RRP1B: variants seen among roughly 807,000 people sequenced by gnomAD.
RRP1B encodes the protein ribosomal RNA processing protein 1 homolog B.
In RRP1B, 56 loss-of-function variants were observed where a neutral mutation model predicts 80.2. The observed-to-expected ratio is 0.70, with a 90% CI of 0.56 to 0.87. The LOEUF (loss-of-function observed/expected upper bound fraction) is 0.87. Ranked by LOEUF, RRP1B falls within the 40% of genes least tolerant of loss-of-function variation. RRP1B has a pLI of 0.00. For missense variants in RRP1B, 807 were observed against 939.8 expected (o/e 0.86, Z 1.85); for synonymous variants, 351 against 357.6 (o/e 0.98, Z 0.21).
intron 5 of RRP1B, 72 bp from the exon 6 acceptor site, chr21:43,674,962 T>C: frequency 6.3e-7 from 1 of 1,583,060 alleles, no homozygotes; most frequent in Non-Finnish European, 8.6e-7. Flanking sequence ...GACGGAGTAT[T>C]TTTGTTTCTC....
At chr21:43,673,280 C>T (rs1039118971) in intron 3 of RRP1B, among the ~76,000 whole-genome samples, 6 of 152,106 alleles carry the variant, frequency 3.9e-5, no homozygotes, top group South Asian at 2.1e-4. Flanking sequence ...CTCCAGAGAG[C>T]GCTCAAATCT....
chr21:43,676,451 G>T, intron 7 of RRP1B, 115 bp downstream of exon 7: 1 of 827,420 alleles, frequency 1.2e-6, no homozygotes, highest in Non-Finnish European at 2.0e-6. Flanking sequence ...GCAGAGAGCG[G>T]CTGGAGAAGA....
intron 8 of RRP1B, 127 bp from the exon 9 acceptor site, chr21:43,683,152 C>T (rs112143319): frequency 8.6e-5 from 56 of 650,378 alleles, no homozygotes; most frequent in African/African-American, 7.9e-4. Context: ...GAATTACAGG[C>T]GTGAGCCACC....
At chr21:43,689,235 G>A (rs368024286) in intron 13 of RRP1B, among the ~76,000 whole-genome samples, 32 of 152,354 alleles carry the variant, frequency 2.1e-4, no homozygotes, top group African/African-American at 6.5e-4. Flanking sequence ...AGAGACCTGC[G>A]GTCTGTAAAG....
Position 43,690,271 on chromosome 21 carries a change from A to G in RRP1B, c.1867-17A>G. 6.2e-7 allele frequency: 1 copy of G among 1,613,420 alleles called. No homozygotes were observed. The highest frequency in any genetic ancestry group is 8.5e-7 in the Non-Finnish European group (1 of 1,179,684). The stretch of plus-strand genomic sequence containing the variant: ...TCGTCTGACCCCTCCTCCGCTTCTC[A>G]CCCCTCGCTCACGTAGGGAAGCAGT... On this transcript the variant is annotated splice_polypyrimidine_tract_variant and intron_variant, in intron 13 of 15. Coordinates refer to ENST00000340648, the MANE Select transcript of RRP1B (RefSeq NM_015056.3).
intron 8 of RRP1B, 152 bp from the exon 9 acceptor site, chr21:43,683,127 C>T (rs972972218): frequency 1.8e-6 from 1 of 555,896 alleles, no homozygotes; most frequent in Non-Finnish European, 3.2e-6. Flanking sequence ...CCCACCTCAG[C>T]CTCCCAAAGT....
Position 43,694,995 on chromosome 21 carries a change from A to G in RRP1B, c.*1612A>G, listed in dbSNP as rs1392430127. On this transcript the variant is annotated 3_prime_UTR_variant, in exon 16 of 16. Coordinates refer to ENST00000340648, the MANE Select transcript of RRP1B (RefSeq NM_015056.3). Reference sequence around the variant, plus strand: ...TCGCCTACTCTGTAATCGTTTTGTCATAATGAGCCATGAAAAAAGTAATGA... The same window carrying G: ...TCGCCTACTCTGTAATCGTTTTGTCGTAATGAGCCATGAAAAAAGTAATGA... The G allele has an allele frequency of 6.6e-6, 1 of 152,214 alleles. No homozygotes were observed. The highest frequency in any genetic ancestry group is 2.4e-5 in the African/African-American group (1 of 41,450). 9.4% of individuals were successfully genotyped at this position (152,214 alleles called of 1,614,324 possible). A position where few individuals can be genotyped will look rare whatever the true frequency, so the allele number is the denominator to read the frequency against.
chr21:43,695,373 G>C lies in RRP1B; in HGVS notation c.*1990G>C, dbSNP rs1439883862. ...TTTTCCTAGCATTTCTATATTATCT[G>C]TCCATTCTGAGGAACCAGTGAATGT... On this transcript the variant is annotated 3_prime_UTR_variant, in exon 16 of 16. Transcript: ENST00000340648. The C allele has an allele frequency of 2.6e-5, 4 of 152,058 alleles. No individual in the cohort carries two copies. The highest frequency in any genetic ancestry group is 5.9e-5 in the Non-Finnish European group (4 of 68,034). 9.4% of individuals were successfully genotyped at this position (152,058 alleles called of 1,614,324 possible).
At chr21:43,662,382 T>C (rs2147158419) in intron 1 of RRP1B, among the ~76,000 whole-genome samples, 1 of 152,312 alleles carries the variant, frequency 6.6e-6, no homozygotes, top group African/African-American at 2.4e-5. Flanking sequence ...AGCATGAACG[T>C]CGTGGACAGT....
chr21:43,659,659 G>GA lies in RRP1B; in HGVS notation c.-6_-5insA. ...TTGCGCGGCCGGGGATGCTCCAGCG[G>GA]GCGCGATGGCCCCCGCCATGCAGCC... On this transcript the variant is annotated 5_prime_UTR_variant, in exon 1 of 16. Coordinates refer to ENST00000340648, the MANE Select transcript of RRP1B (RefSeq NM_015056.3). The surrounding 1 kb of genome is among the most constrained non-coding windows in gnomAD (Gnocchi z 4.2). 1 of 1,502,174 alleles carries GA rather than the reference G, an allele frequency of 6.7e-7. No individual in the cohort carries two copies. The highest frequency in any genetic ancestry group is 8.9e-7 in the Non-Finnish European group (1 of 1,124,712). The allele number at this position is 1,502,174 out of a possible 1,614,324, so 93.1% of individuals were successfully genotyped here. A position where few individuals can be genotyped will look rare whatever the true frequency, so the allele number is the denominator to read the frequency against.
rs2083101520 is a variant in RRP1B, at chr21:43,694,885, C to G, written c.*1502C>G. On this transcript the variant is annotated 3_prime_UTR_variant, in exon 16 of 16. Transcript: ENST00000340648. ...TCATGGAGCCAAGGGTGGGGTTTCA[C>G]CTGCGAACATCAGACTGACTTGCTG... The G allele has an allele frequency of 6.6e-6, 1 of 152,246 alleles. No homozygotes were observed. Among genetic ancestry groups the G allele is most frequent in the Admixed American group, 6.5e-5 (1 of 15,280 alleles). 9.4% of individuals were successfully genotyped at this position (152,246 alleles called of 1,614,324 possible).
At chr21:43,682,340 G>T (rs2083046721) in intron 8 of RRP1B, among the ~76,000 whole-genome samples, 1 of 152,138 alleles carries the variant, frequency 6.6e-6, no homozygotes, top group Non-Finnish European at 1.5e-5. Context: ...CCCAGGCCTT[G>T]CCCTGATGTC....
intron 1 of RRP1B, among the ~76,000 whole-genome samples, chr21:43,660,827 A>AC (rs1482745736): frequency 6.6e-6 from 1 of 152,210 alleles, no homozygotes; most frequent in Non-Finnish European, 1.5e-5. Context: ...TGGCCAGATC[A>AC]CACAGGGCTT....
chr21:43,685,842 C>T (rs371735104), intron 11 of RRP1B, 53 bp downstream of exon 11: 1 of 1,561,668 alleles, frequency 6.4e-7, no homozygotes, highest in Non-Finnish European at 8.7e-7. Context: ...ATATGGACCC[C>T]ACTGGGGGCG....
chr21:43,678,480 A>AT (rs2083030769), intron 8 of RRP1B, among the ~76,000 whole-genome samples: 1 of 152,028 alleles, frequency 6.6e-6, no homozygotes, highest in African/African-American at 2.4e-5. Flanking sequence ...TTATTCTTTG[A>AT]TTTTTTAAAT....
rs1183968424 is a variant in RRP1B, at chr21:43,693,359, G to GC, written c.2256dup (p.Arg753GlnfsTer29). The GC allele has an allele frequency of 6.3e-7, 1 of 1,593,802 alleles. No homozygotes were observed. The highest frequency in any genetic ancestry group is 1.3e-5 in the African/African-American group (1 of 74,288). The stretch of plus-strand genomic sequence containing the variant: ...CCCTGACCACCACACCAAGGAGAAG[G>GC]CCCAGGGCTATGGATTTCTTCTGAG... On this transcript the variant is annotated frameshift_variant, in exon 16 of 16. Coordinates refer to ENST00000340648, the MANE Select transcript of RRP1B (RefSeq NM_015056.3). LOFTEE classifies it high-confidence loss of function. This position sits in a 1 kb window ranked among gnomAD's most constrained non-coding sequence, Gnocchi z 4.1.
At chr21:43,681,292 A>G (rs2083042490) in intron 8 of RRP1B, among the ~76,000 whole-genome samples, 1 of 152,052 alleles carries the variant, frequency 6.6e-6, no homozygotes, top group African/African-American at 2.4e-5. Context: ...AGATAGATAG[A>G]TAGATAGATA....
In RRP1B at chr21:43,691,942, C is replaced by T. The variant is rs1169496062; in HGVS notation, c.2083+440C>T. 2.6e-5 allele frequency among the ~76,000 whole-genome samples: 4 copies of T among 151,812 alleles called. No individual in the cohort carries two copies. Among genetic ancestry groups the T allele is most frequent in the Non-Finnish European group, 4.4e-5 (3 of 67,906 alleles). ...GATTACAAGCGTGAGCCACCGAGCC[C>T]GGCCCCTCACTGCCCATTTCTGAGT... is the stretch of plus-strand genomic sequence containing the variant. On this transcript the variant is annotated intron_variant, in intron 15 of 15. Transcript: ENST00000340648. The surrounding 1 kb of genome is among the most constrained non-coding windows in gnomAD (Gnocchi z 4.2).
chr21:43,676,219 A>G, intron 6 of RRP1B, 53 bp from the exon 7 acceptor site: 1 of 1,297,524 alleles, frequency 7.7e-7, no homozygotes, highest in Non-Finnish European at 1.1e-6. Flanking sequence ...TTTCAAGGAC[A>G]TGTCAAGAAG....
Sources: allele counts gnomAD v4.1 joint callset (sites outside exome capture counted in the v4.1 genomes callset), GRCh38; gene constraint gnomAD v4.1.1; non-coding constraint Gnocchi (gnomAD v3.1); transcripts MANE v1.5; gene names NCBI Gene and HGNC (gene_info 2026-07-23, HGNC 2026-07-21).